The following OPHN1 variants were observed in gnomAD, a reference collection of about 807,000 sequenced individuals.
The protein encoded by OPHN1 is oligophrenin-1.
OPHN1 carries 11 observed loss-of-function variants against 60.7 expected under a neutral mutation model. The ratio of observed to expected loss-of-function variants is 0.18; its 90% confidence interval spans 0.11 to 0.30. The LOEUF is 0.30. OPHN1 is among the 10% of genes least tolerant of loss of function. The pLI is 1.00. For missense variants in OPHN1, 449 were observed against 611.0 expected (o/e 0.73, Z 2.80); for synonymous variants, 226 against 222.6 (o/e 1.02, Z -0.14).
intron 18 of OPHN1, 79 bp downstream of exon 18, chrX:68,111,775 G>A: frequency 1.5e-6 from 1 of 666,429 alleles, no homozygotes; most frequent in East Asian, 3.2e-5. Context: ...AAAGAGCTGA[G>A]AGGCAGTTTC....
chrX:68,214,111 A>G, intron 6 of OPHN1, 139 bp from the exon 7 acceptor site: 1 of 483,925 alleles, frequency 2.1e-6, no homozygotes, highest in Non-Finnish European at 3.7e-6. Context: ...TTAGAAATAG[A>G]GAACCTAAAG....
At chrX:68,378,023 T>C (rs1295429051) in intron 2 of OPHN1, among the ~76,000 whole-genome samples, 6 of 112,075 alleles carry the variant, frequency 5.4e-5, no homozygotes, top group African/African-American at 9.7e-5. Flanking sequence ...TCCACAATGG[T>C]TGAACTAGTT....
chrX:68,071,196 C>T, intron 20 of OPHN1: 1 of 669,652 alleles, frequency 1.5e-6, no homozygotes, highest in South Asian at 2.2e-5. Flanking sequence ...AGTAGTTCAG[C>T]TCCTTCTTCA....
At chrX:68,407,878 A>C (rs2078751361) in intron 2 of OPHN1, among the ~76,000 whole-genome samples, 1 of 112,874 alleles carries the variant, frequency 8.9e-6, no homozygotes, top group Admixed American at 9.4e-5. Context: ...ATTTAAATAA[A>C]GTTTATCCCT....
At chrX:68,415,281 A>C (rs2078788523) in intron 2 of OPHN1, among the ~76,000 whole-genome samples, 1 of 112,210 alleles carries the variant, frequency 8.9e-6, no homozygotes, top group Admixed American at 9.5e-5. Flanking sequence ...GAAACTTATA[A>C]CTGCCATATT....
intron 2 of OPHN1, among the ~76,000 whole-genome samples, chrX:68,410,079 A>T (rs772791045): frequency 2.7e-5 from 3 of 111,846 alleles, no homozygotes; most frequent in East Asian, 2.8e-4. Context: ...GTTCATGCAA[A>T]TATTATGGAT....
At chrX:68,378,203 G>A (rs1344123049) in intron 2 of OPHN1, among the ~76,000 whole-genome samples, 105 of 112,192 alleles carry the variant, frequency 9.4e-4, no homozygotes, top group African/African-American at 3.3e-3. Context: ...ATTTTTTCAT[G>A]TGTCTTTTGG....
At chrX:68,333,671 GCACACA>G (rs368691205) in intron 2 of OPHN1, among the ~76,000 whole-genome samples, 3 of 107,398 alleles carry the variant, frequency 2.8e-5, no homozygotes, top group South Asian at 4.0e-4. Flanking sequence ...GCGCGTGCGT[GCACACA>G]CACACACACA....
chrX:68,229,361 C>A (rs1414140146), intron 6 of OPHN1, among the ~76,000 whole-genome samples: 1 of 111,714 alleles, frequency 9.0e-6, no homozygotes. Flanking sequence ...AGATTCAATG[C>A]CATCTCCATC....
At chrX:68,316,036 A>C (rs1285145981) in intron 2 of OPHN1, among the ~76,000 whole-genome samples, 6 of 111,665 alleles carry the variant, frequency 5.4e-5, no homozygotes, top group African/African-American at 1.9e-4. Flanking sequence ...TGGTTATATT[A>C]ATATCAGATA....
chrX:68,240,330 C>T (rs1188789865), intron 5 of OPHN1, among the ~76,000 whole-genome samples: 2 of 111,765 alleles, frequency 1.8e-5, no homozygotes, highest in Non-Finnish European at 3.8e-5. Flanking sequence ...CTCCTTTACA[C>T]TAGTAATGAA....
intron 2 of OPHN1, among the ~76,000 whole-genome samples, chrX:68,393,622 TTC>T (rs1458639035): frequency 9.0e-6 from 1 of 111,429 alleles, no homozygotes; most frequent in Non-Finnish European, 1.9e-5. Flanking sequence ...ATCCTTTCCT[TTC>T]TGTTTTTTTC....
chrX:68,270,833 G>A (rs2147587686), intron 5 of OPHN1, among the ~76,000 whole-genome samples: 1 of 111,402 alleles, frequency 9.0e-6, no homozygotes, highest in South Asian at 3.9e-4. Context: ...GAAAACTAAG[G>A]TTCGGAGAGA....
At chrX:68,251,025 A>G (rs1431219606) in intron 5 of OPHN1, among the ~76,000 whole-genome samples, 2 of 110,072 alleles carry the variant, frequency 1.8e-5, no homozygotes, top group African/African-American at 3.3e-5. Context: ...AGTTCTTCCT[A>G]TTATGATTTT....
chrX:68,317,535 GAAAA>G (rs1227648485), intron 2 of OPHN1, among the ~76,000 whole-genome samples: 2,469 of 35,771 alleles, frequency 0.069, 225 homozygotes, highest in African/African-American at 0.36. Flanking sequence ...AAGAAAGAAA[GAAAA>G]AAAGAAAGAA....
At position 68,083,054 on chromosome X, in the gene OPHN1, C is replaced by CTTTTTTT. The variant is rs869083899; in HGVS notation, c.1687-9762_1687-9756dup. 7.8e-3 allele frequency among the ~76,000 whole-genome samples: 294 copies of CTTTTTTT among 37,458 alleles called. 61 individuals carry two copies. The highest frequency in any genetic ancestry group is 0.015 in the East Asian group (14 of 931). 32.5% of individuals were successfully genotyped at this position (37,458 alleles called of 115,157 possible). On this transcript the variant is annotated intron_variant, in intron 19 of 24. Transcript: ENST00000355520. The stretch of plus-strand genomic sequence containing the variant: ...ATCATGAACCAACCTCTGCTAGTTT[C>CTTTTTTT]TTTTTTTTTTTTTTTTTTTTTTTTT...
At chrX:68,336,261 G>A (rs1010409826) in intron 2 of OPHN1, among the ~76,000 whole-genome samples, 2 of 111,113 alleles carry the variant, frequency 1.8e-5, no homozygotes, top group South Asian at 3.8e-4. Context: ...CAGTGTTCAC[G>A]CCTGTAATCC....
rs902503019 is a variant in OPHN1 at position 68,135,831 on chromosome X, T to C, written c.1277-16499A>G. Among the ~76,000 whole-genome samples, 5 of 111,963 alleles carry C rather than the reference T, an allele frequency of 4.5e-5. No individual in the cohort carries two copies. The East Asian group carries it at 1.4e-3, about 31-fold the overall frequency. On this transcript the variant is annotated intron_variant, in intron 15 of 24. Transcript: ENST00000355520. ...GAAGAAACTGAAATGGAGAAGCTTATGGATGGAGTATGCTTGGAGAGAAAG... is the reference window on the plus strand; with the variant it reads ...GAAGAAACTGAAATGGAGAAGCTTACGGATGGAGTATGCTTGGAGAGAAAG...
chrX:68,352,923 C>T (rs1170463668), intron 2 of OPHN1, among the ~76,000 whole-genome samples: 1 of 111,160 alleles, frequency 9.0e-6, no homozygotes, highest in Admixed American at 9.6e-5. Context: ...GAGGCTGAGG[C>T]GAGTGGATTG....
Sources: allele counts gnomAD v4.1 joint callset (sites outside exome capture counted in the v4.1 genomes callset), GRCh38; gene constraint gnomAD v4.1.1; transcripts MANE v1.5; gene names NCBI Gene and HGNC (gene_info 2026-07-23, HGNC 2026-07-21).